The following SLC35F3 variants were observed in gnomAD, a reference collection of about 807,000 sequenced individuals.
SLC35F3 encodes solute carrier family 35 member F3.
A neutral mutation model predicts 49.9 loss-of-function variants in SLC35F3; 25 were observed. The observed-to-expected ratio is 0.50, with a 90% CI of 0.37 to 0.70. The LOEUF is 0.70. SLC35F3 is among the 30% of genes least tolerant of loss of function. The pLI, the probability that SLC35F3 is intolerant of heterozygous loss-of-function variation, is 0.00. For missense variants in SLC35F3, 525 were observed against 639.8 expected, an observed-to-expected ratio of 0.82 and a Z score of 1.94; for synonymous variants, 275 against 265.4, an observed-to-expected ratio of 1.04 and a Z score of -0.35.
chr1:234,139,951 T>TAATAAAATTAAAATAAAATAA (rs1665868384), intron 2 of SLC35F3, among the ~76,000 whole-genome samples: 2 of 90,564 alleles, frequency 2.2e-5, no homozygotes, highest in South Asian at 3.5e-4. Flanking sequence ...CATCTCAAAA[T>TAATAAAATTAAAATAAAATAA]AATAAAATAA....
At chr1:234,019,392 CAG>C (rs540499670) in intron 2 of SLC35F3, among the ~76,000 whole-genome samples, 1,671 of 152,146 alleles carry the variant, frequency 0.011, 21 homozygotes, top group Middle Eastern at 0.051. Context: ...GAGACAGAAA[CAG>C]AGAGAAATTT....
chr1:234,227,392 C>CTTTTTTTTTTTTT (rs369277069), intron 2 of SLC35F3, among the ~76,000 whole-genome samples: 1 of 108,662 alleles, frequency 9.2e-6, no homozygotes, highest in East Asian at 5.4e-4. Context: ...CTCTTTCTTT[C>CTTTTTTTTTTTTT]TTTTTTTTTT....
At chr1:234,178,743 C>T (rs1340026001) in intron 2 of SLC35F3, among the ~76,000 whole-genome samples, 3 of 151,772 alleles carry the variant, frequency 2.0e-5, no homozygotes, top group Non-Finnish European at 2.9e-5. Flanking sequence ...TGGTGTGCTG[C>T]GTTTGCTACC....
At chr1:233,924,042 T>A (rs1662112567) in intron 2 of SLC35F3, among the ~76,000 whole-genome samples, 2 of 152,208 alleles carry the variant, frequency 1.3e-5, no homozygotes, top group African/African-American at 4.8e-5. Context: ...TGGATTTGTT[T>A]TGCCAGTATT....
intron 3 of SLC35F3, among the ~76,000 whole-genome samples, chr1:234,278,522 A>G (rs917451355): frequency 4.8e-4 from 73 of 152,264 alleles, no homozygotes; most frequent in African/African-American, 1.6e-3. Context: ...AAAAAGAGAA[A>G]AAACTAAAGC....
chr1:233,996,808 T>C (rs1344083683), intron 2 of SLC35F3, among the ~76,000 whole-genome samples: 1 of 152,188 alleles, frequency 6.6e-6, no homozygotes, highest in Non-Finnish European at 1.5e-5. Context: ...CTCATCCCAT[T>C]TTAAAAAGTG....
At chr1:233,933,874 C>T (rs1314615872) in intron 2 of SLC35F3, among the ~76,000 whole-genome samples, 6 of 151,974 alleles carry the variant, frequency 3.9e-5, no homozygotes, top group South Asian at 2.1e-4. Context: ...GGGAAGCACA[C>T]GGAAGAGGAA....
At chr1:234,292,434 G>A (rs763851081) in intron 3 of SLC35F3, among the ~76,000 whole-genome samples, 20 of 152,160 alleles carry the variant, frequency 1.3e-4, no homozygotes, top group Non-Finnish European at 2.5e-4. Context: ...CAAGGTCATC[G>A]CCAATGTCTG....
chr1:233,931,555 C>T (rs1451778766), intron 2 of SLC35F3, among the ~76,000 whole-genome samples: 1 of 152,218 alleles, frequency 6.6e-6, no homozygotes, highest in Non-Finnish European at 1.5e-5. Context: ...CTCATCATCA[C>T]TGGTCATTAG....
At chr1:234,201,912 C>CAAAAAAA (rs11361148) in intron 2 of SLC35F3, among the ~76,000 whole-genome samples, 1 of 111,894 alleles carries the variant, frequency 8.9e-6, no homozygotes, top group Non-Finnish European at 1.9e-5. Flanking sequence ...GACTTCTTCT[C>CAAAAAAA]AAAAAAAAAA....
intron 3 of SLC35F3, among the ~76,000 whole-genome samples, chr1:234,237,911 C>T (rs1410892282): frequency 6.6e-6 from 1 of 151,882 alleles, no homozygotes; most frequent in East Asian, 1.9e-4. Context: ...GCCATGTTGC[C>T]CAGGCTAGTC....
At chr1:234,305,719 T>G (rs1657151987) in intron 3 of SLC35F3, among the ~76,000 whole-genome samples, 1 of 152,166 alleles carries the variant, frequency 6.6e-6, no homozygotes, top group Admixed American at 6.5e-5. Context: ...TTCTTGAAGC[T>G]CTCAATTTAG....
chr1:234,236,302 C>T (rs563112655), intron 3 of SLC35F3, among the ~76,000 whole-genome samples: 1 of 151,896 alleles, frequency 6.6e-6, no homozygotes, highest in African/African-American at 2.4e-5. Context: ...ATTAGCCAGG[C>T]GTGATGGTGC....
At chr1:234,073,342 C>T (rs1274748620) in intron 2 of SLC35F3, among the ~76,000 whole-genome samples, 1 of 152,084 alleles carries the variant, frequency 6.6e-6, no homozygotes, top group Non-Finnish European at 1.5e-5. Context: ...GATGGGATCG[C>T]ACTGTGTTAC....
At chr1:234,318,695 T>C in intron 5 of SLC35F3, 56 bp from the exon 6 acceptor site, 1 of 1,497,078 alleles carries the variant, frequency 6.7e-7, no homozygotes, top group Non-Finnish European at 9.1e-7. Flanking sequence ...TTTGCTTACA[T>C]CATATTGGGG....
In SLC35F3 at chr1:233,942,699, C is replaced by T. The variant is rs991216497; in HGVS notation, c.283+36941C>T. On this transcript the variant is annotated intron_variant, in intron 2 of 7. Coordinates refer to ENST00000366618, the MANE Select transcript of SLC35F3 (RefSeq NM_173508.4). ...AAGTGTTAGGACTACAGACATGAGCCGCTGAGCCCAGACAACATCTACCCT... is the reference window on the plus strand; with the variant it reads ...AAGTGTTAGGACTACAGACATGAGCTGCTGAGCCCAGACAACATCTACCCT... Among the ~76,000 whole-genome samples, 6 of 152,272 alleles carry T rather than the reference C, an allele frequency of 3.9e-5. No homozygotes were observed. In the South Asian group the frequency reaches 8.3e-4, roughly 21 times the overall value.
At chr1:234,076,494 C>T (rs1664793871) in intron 2 of SLC35F3, among the ~76,000 whole-genome samples, 1 of 150,970 alleles carries the variant, frequency 6.6e-6, no homozygotes, top group Non-Finnish European at 1.5e-5. Context: ...TGGAGTCTCA[C>T]TCTGTCGCCC....
intron 2 of SLC35F3, among the ~76,000 whole-genome samples, chr1:233,963,609 T>C (rs982339893): frequency 3.9e-5 from 6 of 152,146 alleles, no homozygotes; most frequent in Non-Finnish European, 8.8e-5. Context: ...CCAGGGCAGG[T>C]CATAGCTTTC....
intron 3 of SLC35F3, chr1:234,274,597 A>G (rs12035862): frequency 0.06 from 9,151 of 152,310 alleles, 327 homozygotes; most frequent in African/African-American, 0.097. Flanking sequence ...AGGGCACGAG[A>G]CGCCAGGGCT....
Sources: gnomAD v4.1 joint callset for allele counts (sites outside exome capture counted in the v4.1 genomes callset) on GRCh38, gnomAD v4.1.1 for gene constraint, MANE v1.5 for transcripts, NCBI Gene and HGNC (gene_info 2026-07-23, HGNC 2026-07-21) for gene names.